Variants in NRG1 observed in about 807,000 individuals in gnomAD.
NRG1 encodes the protein pro-neuregulin-1, membrane-bound isoform.
A neutral mutation model predicts 63.8 loss-of-function variants in NRG1; 18 were observed. The ratio of observed to expected loss-of-function variants is 0.28; its 90% CI spans 0.19 to 0.42. NRG1 has a LOEUF of 0.42. Among genes scored for constraint, NRG1 ranks in the 10% least tolerant of loss-of-function variants. The probability of loss-of-function intolerance (pLI) is 1.00; values close to 1 mark genes in which losing one functional copy is unlikely to be tolerated. For missense variants in NRG1, 762 were observed against 814.7 expected, an observed-to-expected ratio of 0.94 and a Z score of 0.79; for synonymous variants, 302 against 301.3, an observed-to-expected ratio of 1.00 and a Z score of -0.02.
intron 1 of NRG1, among the ~76,000 whole-genome samples, chr8:32,413,861 C>G (rs1458250158): frequency 1.3e-5 from 2 of 151,870 alleles, no homozygotes; most frequent in African/African-American, 4.8e-5. Context: ...ATTCTCTGCC[C>G]CAGGGTGAAC....
At chr8:32,690,245 C>T (rs1482527717) in intron 5 of NRG1, among the ~76,000 whole-genome samples, 1 of 152,106 alleles carries the variant, frequency 6.6e-6, no homozygotes, top group Non-Finnish European at 1.5e-5. Flanking sequence ...GACCAGATTT[C>T]CCCTTTTGAA....
At chr8:31,720,861 C>T (rs942342694) in intron 1 of NRG1, among the ~76,000 whole-genome samples, 10 of 152,090 alleles carry the variant, frequency 6.6e-5, no homozygotes, top group East Asian at 1.9e-4. Context: ...ATTCCTTGAA[C>T]AATATTTTGC....
intron 1 of NRG1, among the ~76,000 whole-genome samples, chr8:31,674,811 C>T (rs533726124): frequency 1.2e-4 from 18 of 152,226 alleles, no homozygotes; most frequent in African/African-American, 3.4e-4. Context: ...CTATGTCCTT[C>T]GTAGCATCCT....
At chr8:32,297,107 C>T (rs1423526050) in intron 1 of NRG1, among the ~76,000 whole-genome samples, 1 of 151,980 alleles carries the variant, frequency 6.6e-6, no homozygotes, top group African/African-American at 2.4e-5. Flanking sequence ...GAATGAGACG[C>T]TGTCTCAAAG....
intron 1 of NRG1, among the ~76,000 whole-genome samples, chr8:32,553,745 C>G (rs1428425120): frequency 6.6e-6 from 1 of 152,068 alleles, no homozygotes; most frequent in Non-Finnish European, 1.5e-5. Flanking sequence ...CCAACCTGCC[C>G]CTCACTATCT....
chr8:32,253,038 T>C (rs980812802), intron 1 of NRG1, among the ~76,000 whole-genome samples: 1 of 152,198 alleles, frequency 6.6e-6, no homozygotes, highest in African/African-American at 2.4e-5. Flanking sequence ...TTTTTAAACA[T>C]TGTTTTTGTA....
chr8:32,638,548 G>A (rs1460852453), intron 5 of NRG1, among the ~76,000 whole-genome samples: 2 of 151,990 alleles, frequency 1.3e-5, no homozygotes, highest in South Asian at 2.1e-4. Context: ...GGCTGGTCTC[G>A]GACTCCTGGC....
chr8:31,887,727 T>C (rs1830832078), intron 1 of NRG1, among the ~76,000 whole-genome samples: 1 of 152,048 alleles, frequency 6.6e-6, no homozygotes. Context: ...TCTTTAATGA[T>C]AGGAGTCAAA....
chr8:32,398,037 C>T (rs1309003860), intron 1 of NRG1, among the ~76,000 whole-genome samples: 1 of 152,136 alleles, frequency 6.6e-6, no homozygotes, highest in Non-Finnish European at 1.5e-5. Context: ...ATGCAGTCTG[C>T]TCTGCTCTAA....
chr8:32,276,797 G>A (rs1177942871), intron 1 of NRG1, among the ~76,000 whole-genome samples: 2 of 152,176 alleles, frequency 1.3e-5, no homozygotes, highest in East Asian at 3.9e-4. Flanking sequence ...TGTGAAAATA[G>A]GGCAAGGGAG....
intron 1 of NRG1, among the ~76,000 whole-genome samples, chr8:31,966,702 C>A (rs1474199014): frequency 6.6e-6 from 1 of 152,182 alleles, no homozygotes; most frequent in African/African-American, 2.4e-5. Context: ...AGATGTGGCA[C>A]ATTCTGGATC....
At chr8:31,830,657 G>A (rs1825055699) in intron 1 of NRG1, among the ~76,000 whole-genome samples, 1 of 151,864 alleles carries the variant, frequency 6.6e-6, no homozygotes, top group Non-Finnish European at 1.5e-5. Flanking sequence ...AGCAGGTCTT[G>A]TCTTCCTGTT....
chr8:32,738,240 A>G (rs1411786048), intron 6 of NRG1, among the ~76,000 whole-genome samples: 2 of 152,090 alleles, frequency 1.3e-5, no homozygotes, highest in Admixed American at 6.6e-5. Flanking sequence ...AGAGCATAGA[A>G]GTGGGTGATG....
chr8:32,005,610 T>G (rs1813652778), intron 1 of NRG1, among the ~76,000 whole-genome samples: 1 of 152,044 alleles, frequency 6.6e-6, no homozygotes, highest in Admixed American at 6.6e-5. Context: ...GAATTTTTAT[T>G]TATCTTAAAA....
chr8:32,637,294 C>G lies in NRG1; in HGVS notation c.502+20409C>G, dbSNP rs117154810. On this transcript the variant is annotated intron_variant, in intron 5 of 11. Transcript: ENST00000356819. The stretch of plus-strand genomic sequence containing the variant: ...TTCATTTTACCCCCAAATATCCCAG[C>G]ATGCATAGTATATATATTTTATTAC... Among the ~76,000 whole-genome samples the G allele has an allele frequency of 7.7e-3, 1,173 of 152,140 alleles. 5 individuals are homozygous for G. The highest frequency in any genetic ancestry group is 0.024 in the Middle Eastern group (7 of 294).
intron 5 of NRG1, among the ~76,000 whole-genome samples, chr8:32,668,384 T>A (rs1804773866): frequency 6.6e-6 from 1 of 152,212 alleles, no homozygotes; most frequent in Admixed American, 6.5e-5. Context: ...ACCTAGTTTC[T>A]ATCACTAGTG....
chr8:32,624,464 G>A (rs568518256), intron 5 of NRG1, among the ~76,000 whole-genome samples: 1 of 152,260 alleles, frequency 6.6e-6, no homozygotes, highest in South Asian at 2.1e-4. Flanking sequence ...CAACTGATAA[G>A]CAAACAACCT....
At chr8:31,823,584 T>A (rs1824217856) in intron 1 of NRG1, among the ~76,000 whole-genome samples, 1 of 152,160 alleles carries the variant, frequency 6.6e-6, no homozygotes, top group African/African-American at 2.4e-5. Flanking sequence ...ATACTTGAAG[T>A]TTCCAGCAGA....
intron 2 of NRG1, among the ~76,000 whole-genome samples, chr8:32,598,599 A>G (rs1843769966): frequency 6.6e-6 from 1 of 152,262 alleles, no homozygotes; most frequent in Non-Finnish European, 1.5e-5. Context: ...CTTTTAAACA[A>G]TAGTCTTGCT....
Sources: allele counts gnomAD v4.1 joint callset (sites outside exome capture counted in the v4.1 genomes callset), GRCh38; gene constraint gnomAD v4.1.1; transcripts MANE v1.5; gene names NCBI Gene and HGNC (gene_info 2026-07-23, HGNC 2026-07-21).